ABTB3: variants seen among roughly 807,000 people sequenced by gnomAD.
The protein encoded by ABTB3 is ankyrin repeat and BTB domain containing 3.
chr12:107,389,325 G>A, the ABTB3 span, among the ~76,000 whole-genome samples: 6 of 152,120 alleles, frequency 3.9e-5, no homozygotes, highest in African/African-American at 7.2e-5. Context: ...TATGTACTAG[G>A]CATATTGCAT....
the ABTB3 span, among the ~76,000 whole-genome samples, chr12:107,437,123 T>A: frequency 6.6e-6 from 1 of 152,196 alleles, no homozygotes; most frequent in African/African-American, 2.4e-5. Context: ...CCTCTGATGA[T>A]GTGGGTCCAT....
the ABTB3 span, among the ~76,000 whole-genome samples, chr12:107,439,439 C>T: frequency 6.6e-6 from 1 of 152,146 alleles, no homozygotes; most frequent in South Asian, 2.1e-4. Context: ...ATTCACAGGC[C>T]ACCCATTCCC....
the ABTB3 span, among the ~76,000 whole-genome samples, chr12:107,404,144 C>CAG: frequency 1.0e-5 from 1 of 100,028 alleles, no homozygotes; most frequent in Non-Finnish European, 1.8e-5. Flanking sequence ...GCCTGGATAA[C>CAG]AGAGAGAGAC....
chr12:107,527,605 A>G, the ABTB3 span, among the ~76,000 whole-genome samples: 1 of 151,752 alleles, frequency 6.6e-6, no homozygotes, highest in African/African-American at 2.4e-5. Flanking sequence ...AACATCACTG[A>G]ACCTCCAGTG....
the ABTB3 span, among the ~76,000 whole-genome samples, chr12:107,337,756 A>C: frequency 6.6e-6 from 1 of 152,242 alleles, no homozygotes; most frequent in Non-Finnish European, 1.5e-5. Flanking sequence ...CTCTGATGAC[A>C]CCAAAACTGT....
the ABTB3 span, among the ~76,000 whole-genome samples, chr12:107,328,382 CT>C: frequency 6.6e-6 from 1 of 152,154 alleles, no homozygotes; most frequent in Non-Finnish European, 1.5e-5. Flanking sequence ...CACTTAATAA[CT>C]GTTATCTTTA....
the ABTB3 span, among the ~76,000 whole-genome samples, chr12:107,530,138 G>A: frequency 6.6e-6 from 1 of 152,166 alleles, no homozygotes; most frequent in Non-Finnish European, 1.5e-5. Flanking sequence ...GAAATGCAGG[G>A]CAAGCTGAAA....
chr12:107,649,588 G>C, the ABTB3 span: 16 of 361,560 alleles, frequency 4.4e-5, no homozygotes, highest in African/African-American at 3.3e-4. Context: ...GAAGGAATTT[G>C]ACTGAAAAGT....
At chr12:107,370,719 C>T in the ABTB3 span, among the ~76,000 whole-genome samples, 1 of 143,188 alleles carries the variant, frequency 7.0e-6, no homozygotes, top group African/African-American at 2.6e-5. Context: ...AAAGCCAGCT[C>T]TGTGAAGGTG....
the ABTB3 span, among the ~76,000 whole-genome samples, chr12:107,568,375 C>T: frequency 2.2e-5 from 3 of 136,096 alleles, no homozygotes; most frequent in African/African-American, 8.3e-5. Flanking sequence ...AATGGAAAGA[C>T]AAAGTCAAAA....
At chr12:107,490,693 A>AC in the ABTB3 span, among the ~76,000 whole-genome samples, 5 of 152,190 alleles carry the variant, frequency 3.3e-5, no homozygotes, top group Non-Finnish European at 7.3e-5. Flanking sequence ...CAGTCCTGTG[A>AC]CAGAGGCCAG....
the ABTB3 span, among the ~76,000 whole-genome samples, chr12:107,433,215 G>A: frequency 1.3e-5 from 2 of 150,086 alleles, no homozygotes; most frequent in African/African-American, 2.4e-5. Flanking sequence ...GCGTGAACCC[G>A]GGAAGCGGAG....
the ABTB3 span, among the ~76,000 whole-genome samples, chr12:107,556,822 C>G: frequency 6.6e-6 from 1 of 151,924 alleles, no homozygotes; most frequent in Non-Finnish European, 1.5e-5. Flanking sequence ...ACCAGTCTGA[C>G]CAAGATGGCA....
chr12:107,519,333 T>TC, the ABTB3 span, among the ~76,000 whole-genome samples: 1 of 143,868 alleles, frequency 7.0e-6, no homozygotes, highest in South Asian at 2.1e-4. Flanking sequence ...TTCTTTTTCT[T>TC]TTTTTTTTTT....
At chr12:107,614,047 T>C in the ABTB3 span, among the ~76,000 whole-genome samples, 1 of 152,118 alleles carries the variant, frequency 6.6e-6, no homozygotes, top group Non-Finnish European at 1.5e-5. Flanking sequence ...TTCTGGAGCA[T>C]TCTCGGGTCC....
the ABTB3 span, among the ~76,000 whole-genome samples, chr12:107,654,646 G>A: frequency 6.6e-6 from 1 of 152,088 alleles, no homozygotes; most frequent in Non-Finnish European, 1.5e-5. Context: ...CAGAAGTGTA[G>A]TACTGAGATT....
the ABTB3 span, among the ~76,000 whole-genome samples, chr12:107,409,007 T>G: frequency 6.6e-6 from 1 of 152,356 alleles, no homozygotes; most frequent in East Asian, 1.9e-4. Flanking sequence ...ACTGTGGGTC[T>G]TGGGAAGGCT....
At chr12:107,612,875 G>T in the ABTB3 span, 1 of 1,613,030 alleles carries the variant, frequency 6.2e-7, no homozygotes, top group Non-Finnish European at 8.5e-7. Context: ...TGGAGGTGAG[G>T]GTGCAGAGGC....
At chr12:107,518,046 C>T in the ABTB3 span, among the ~76,000 whole-genome samples, 5 of 152,180 alleles carry the variant, frequency 3.3e-5, no homozygotes, top group African/African-American at 7.2e-5. Context: ...AAATGCAAAT[C>T]GAAACCACAG....
Sources: gnomAD v4.1 joint callset for allele counts (sites outside exome capture counted in the v4.1 genomes callset) on GRCh38, gnomAD v4.1.1 for gene constraint, MANE v1.5 for transcripts, NCBI Gene and HGNC (gene_info 2026-07-23, HGNC 2026-07-21) for gene names.